The following DTNBP1 variants were observed in gnomAD, a reference collection of about 807,000 sequenced individuals.
The protein encoded by DTNBP1 is dystrobrevin binding protein 1.
DTNBP1 carries 35 observed loss-of-function variants against 42.8 expected under a neutral mutation model. The ratio of observed to expected loss-of-function variants is 0.82; its 90% CI spans 0.63 to 1.09. The LOEUF is 1.09. Ranked by LOEUF, DTNBP1 falls within the 50% of genes least tolerant of loss-of-function variation. DTNBP1 has a pLI of 0.00. For missense variants in DTNBP1, 457 were observed against 424.2 expected (o/e 1.08, Z -0.68); for synonymous variants, 171 against 162.2 (o/e 1.05, Z -0.41).
At chr6:15,555,718 CATAA>C (rs1291288808) in intron 7 of DTNBP1, among the ~76,000 whole-genome samples, 8 of 152,296 alleles carry the variant, frequency 5.3e-5, no homozygotes, top group African/African-American at 7.2e-5. Context: ...CCAAAAAACT[CATAA>C]ATAGTCTACC....
At chr6:15,548,128 A>G (rs1198769601) in intron 7 of DTNBP1, among the ~76,000 whole-genome samples, 2 of 152,234 alleles carry the variant, frequency 1.3e-5, no homozygotes, top group East Asian at 3.8e-4. Context: ...AAGGTATTCA[A>G]AGATTTAAGA....
intron 7 of DTNBP1, among the ~76,000 whole-genome samples, chr6:15,551,655 T>A (rs1246421201): frequency 6.6e-6 from 1 of 152,096 alleles, no homozygotes; most frequent in Non-Finnish European, 1.5e-5. Flanking sequence ...CTGGTACCTC[T>A]CCATTGCTAC....
chr6:15,657,979 T>C (rs1761379040), intron 1 of DTNBP1, among the ~76,000 whole-genome samples: 1 of 152,198 alleles, frequency 6.6e-6, no homozygotes, highest in Non-Finnish European at 1.5e-5. Flanking sequence ...AACTAATGAC[T>C]CTTTCTTCGG....
At chr6:15,642,238 A>C (rs894000696) in intron 3 of DTNBP1, among the ~76,000 whole-genome samples, 22 of 152,220 alleles carry the variant, frequency 1.4e-4, no homozygotes, top group African/African-American at 4.8e-4. Flanking sequence ...GGCAGCCCTC[A>C]GAGGAGTGTA....
intron 3 of DTNBP1, among the ~76,000 whole-genome samples, chr6:15,644,569 C>T (rs932622380): frequency 3.9e-5 from 6 of 152,038 alleles, no homozygotes; most frequent in African/African-American, 1.4e-4. Context: ...CAATCAAAAT[C>T]ATATCAAGCA....
chr6:15,630,918 A>C (rs146319517), intron 4 of DTNBP1, among the ~76,000 whole-genome samples: 1 of 152,244 alleles, frequency 6.6e-6, no homozygotes, highest in African/African-American at 2.4e-5. Flanking sequence ...CTCCGTCTCA[A>C]AAAAAAAGAA....
chr6:15,605,573 T>C (rs1324855224), intron 6 of DTNBP1, among the ~76,000 whole-genome samples: 2 of 152,200 alleles, frequency 1.3e-5, no homozygotes, highest in Non-Finnish European at 2.9e-5. Flanking sequence ...TTTTTCTTTA[T>C]AAATTTATCA....
At chr6:15,627,318 T>G (rs755371612) in intron 5 of DTNBP1, 25 bp downstream of exon 5, 27 of 1,611,694 alleles carry the variant, frequency 1.7e-5, no homozygotes, top group Non-Finnish European at 2.2e-5. Context: ...CTAAAAGTAA[T>G]GTACAATGAA....
chr6:15,636,781 ATGTTT>A (rs553094590), intron 4 of DTNBP1, among the ~76,000 whole-genome samples: 7 of 152,170 alleles, frequency 4.6e-5, no homozygotes, highest in Admixed American at 1.3e-4. Context: ...CCCGACTTCC[ATGTTT>A]TGTTTTGTTT....
intron 3 of DTNBP1, 23 bp from the exon 4 acceptor site, chr6:15,637,827 T>C (rs752439353): frequency 3.1e-6 from 5 of 1,607,074 alleles, no homozygotes; most frequent in Non-Finnish European, 4.2e-6. Flanking sequence ...AAAAAATAAT[T>C]TGAAATGCAA....
At position 15,590,084 on chromosome 6, in the gene DTNBP1, C is replaced by T. The variant is rs1776233072; in HGVS notation, c.511+2975G>A. The stretch of plus-strand genomic sequence containing the variant: ...AGTAGCTGGGACTATAGGCGCCCAC[C>T]ACCACGCTGGGCTAATTTTTTGTAT... On this transcript the variant is annotated intron_variant, in intron 7 of 9. Coordinates refer to ENST00000344537, the MANE Select transcript of DTNBP1 (RefSeq NM_032122.5). Among the ~76,000 whole-genome samples, 7 of 152,264 alleles carry T rather than the reference C, an allele frequency of 4.6e-5. No homozygotes were observed. In the South Asian group the frequency reaches 1.2e-3, roughly 27 times the overall value.
chr6:15,527,741 A>C (rs973826420), intron 8 of DTNBP1, among the ~76,000 whole-genome samples: 25 of 152,198 alleles, frequency 1.6e-4, no homozygotes, highest in African/African-American at 5.1e-4. Context: ...TCGTAAATAG[A>C]GATGAAAGGA....
At chr6:15,559,341 G>T (rs1404861534) in intron 7 of DTNBP1, among the ~76,000 whole-genome samples, 1 of 152,182 alleles carries the variant, frequency 6.6e-6, no homozygotes, top group East Asian at 1.9e-4. Flanking sequence ...CATGGTAAGT[G>T]GGTGCCTTAT....
intron 7 of DTNBP1, among the ~76,000 whole-genome samples, chr6:15,553,198 A>T (rs1403417903): frequency 6.6e-6 from 1 of 152,080 alleles, no homozygotes. Context: ...TTTCTCATGA[A>T]GGGTTGCAGC....
intron 7 of DTNBP1, among the ~76,000 whole-genome samples, chr6:15,563,063 C>T (rs960736371): frequency 6.6e-6 from 1 of 152,232 alleles, no homozygotes; most frequent in Non-Finnish European, 1.5e-5. Context: ...GCACTGCAGC[C>T]TTCACGACCT....
chr6:15,562,126 C>G (rs1456780761), intron 7 of DTNBP1, among the ~76,000 whole-genome samples: 1 of 152,204 alleles, frequency 6.6e-6, no homozygotes, highest in Non-Finnish European at 1.5e-5. Context: ...AGCCAACCAG[C>G]AGTCCTCGGG....
intron 7 of DTNBP1, among the ~76,000 whole-genome samples, chr6:15,586,906 T>C (rs182151822): frequency 7.7e-4 from 118 of 152,324 alleles, no homozygotes; most frequent in African/African-American, 2.7e-3. Flanking sequence ...TTGCCTCCAC[T>C]ATGGGCAACT....
chr6:15,524,455 A>C (rs1772206133), intron 9 of DTNBP1, 71 bp downstream of exon 9: 3 of 1,614,012 alleles, frequency 1.9e-6, no homozygotes, highest in Non-Finnish European at 2.5e-6. Context: ...GATGGTTCTC[A>C]CGTCTCACCT....
Position 15,615,293 on chromosome 6 carries a change from T to C in DTNBP1, c.462A>G (p.Gln154=), listed in dbSNP as rs770843581. ...LERCKHMQSQ[Q]LENYKKNKRK... Reference sequence around the variant, plus strand: ...TCTTATTTTTCTTGTAATTCTCCAGTTGCTGGGACTGCATATGTTTGCATC... The same window carrying C: ...TCTTATTTTTCTTGTAATTCTCCAGCTGCTGGGACTGCATATGTTTGCATC... Residue 154 remains glutamine (Q), a synonymous_variant, in exon 6 of 10, where the codon CAA becomes CAG. Transcript: ENST00000344537. The C allele has an allele frequency of 9.3e-6, 15 of 1,614,164 alleles. No individual in the cohort carries two copies. The Admixed American group carries it at 2.3e-4, about 25-fold the overall frequency.
Sources: gnomAD v4.1 joint callset for allele counts (sites outside exome capture counted in the v4.1 genomes callset) on GRCh38, gnomAD v4.1.1 for gene constraint, MANE v1.5 for transcripts, NCBI Gene and HGNC (gene_info 2026-07-23, HGNC 2026-07-21) for gene names.